PTPRJ: variants seen among roughly 807,000 people sequenced by gnomAD.
PTPRJ encodes protein tyrosine phosphatase receptor type J, also known as receptor-type tyrosine-protein phosphatase eta.
A neutral mutation model predicts 141.3 loss-of-function variants in PTPRJ; 129 were observed. That is an observed-to-expected ratio of 0.91 (90% CI 0.79 to 1.06). The LOEUF (loss-of-function observed/expected upper bound fraction) is 1.06. Among genes scored for constraint, PTPRJ ranks in the 50% least tolerant of loss-of-function variants. PTPRJ has a pLI of 0.00. For missense variants in PTPRJ, 1,601 were observed against 1,679.7 expected (o/e 0.95, Z 0.82); for synonymous variants, 610 against 640.5 (o/e 0.95, Z 0.72).
At chr11:48,038,832 T>C (rs865929865) in intron 1 of PTPRJ, among the ~76,000 whole-genome samples, 2 of 147,668 alleles carry the variant, frequency 1.4e-5, no homozygotes, top group African/African-American at 5.0e-5. Context: ...ATAAACTTGC[T>C]ATCACTTTAC....
At chr11:48,146,416 C>T (rs1857351718) in intron 14 of PTPRJ, among the ~76,000 whole-genome samples, 3 of 152,084 alleles carry the variant, frequency 2.0e-5, no homozygotes, top group African/African-American at 2.4e-5. Context: ...AATGCCTGCC[C>T]CAGAAGCAAA....
intron 14 of PTPRJ, among the ~76,000 whole-genome samples, chr11:48,146,248 T>G (rs1182390881): frequency 6.6e-6 from 1 of 152,224 alleles, no homozygotes; most frequent in Non-Finnish European, 1.5e-5. Flanking sequence ...CCTTGTTAAG[T>G]GCTTCTACCC....
intron 1 of PTPRJ, among the ~76,000 whole-genome samples, chr11:48,055,456 G>A (rs1437405705): frequency 1.3e-5 from 2 of 152,106 alleles, no homozygotes; most frequent in Non-Finnish European, 2.9e-5. Context: ...TTCATTCTTG[G>A]CCTCTTTCCT....
intron 4 of PTPRJ, 23 bp downstream of exon 4, chr11:48,121,289 A>T (rs998617544): frequency 3.1e-6 from 5 of 1,610,028 alleles, no homozygotes; most frequent in Non-Finnish European, 4.2e-6. Context: ...GCTCCCAGGG[A>T]TGATGACAAA....
intron 1 of PTPRJ, among the ~76,000 whole-genome samples, chr11:48,078,795 G>GTT (rs55980751): frequency 0.014 from 1,357 of 96,092 alleles, 5 homozygotes; most frequent in African/African-American, 0.032. Flanking sequence ...TCTGTAAATA[G>GTT]TTTTTTTTTT....
Position 48,121,323 on chromosome 11 carries a change from T to C in PTPRJ, c.616+57T>C, listed in dbSNP as rs934965958. 9.0e-6 allele frequency: 14 copies of C among 1,563,126 alleles called. No individual in the cohort carries two copies. In the East Asian group the frequency reaches 3.2e-4, roughly 35 times the overall value. On this transcript the variant is annotated intron_variant, in intron 4 of 24. Transcript: ENST00000418331. ...AACCATTTCTTATTATGGTGTATTC[T>C]AGGGCCTTGTCCGTTCAAGTTGCCT... is the stretch of plus-strand genomic sequence containing the variant.
chr11:48,163,125 G>A (rs1443657139), intron 22 of PTPRJ, among the ~76,000 whole-genome samples: 1 of 152,136 alleles, frequency 6.6e-6, no homozygotes, highest in Admixed American at 6.6e-5. Context: ...GTTCATTATT[G>A]ATAGGCAGCT....
intron 1 of PTPRJ, among the ~76,000 whole-genome samples, chr11:48,024,812 G>A (rs1353704845): frequency 1.3e-5 from 2 of 152,214 alleles, no homozygotes; most frequent in East Asian, 3.8e-4. Flanking sequence ...AGTTTTTCCA[G>A]CTCCCCAGGC....
At chr11:47,993,741 A>G (rs1854256407) in intron 1 of PTPRJ, among the ~76,000 whole-genome samples, 1 of 151,972 alleles carries the variant, frequency 6.6e-6, no homozygotes, top group Admixed American at 6.5e-5. Context: ...ACTGATTTGC[A>G]TGGGCCTGAA....
At chr11:48,006,846 A>G (rs1477624913) in intron 1 of PTPRJ, among the ~76,000 whole-genome samples, 2 of 152,072 alleles carry the variant, frequency 1.3e-5, no homozygotes, top group Non-Finnish European at 2.9e-5. Context: ...CCCCTTTGGC[A>G]TTGGTATCGT....
intron 10 of PTPRJ, among the ~76,000 whole-genome samples, chr11:48,138,107 C>T (rs1163854116): frequency 6.6e-6 from 1 of 152,158 alleles, no homozygotes; most frequent in African/African-American, 2.4e-5. Context: ...CCAGGCCATT[C>T]AGATATGTTC....
At chr11:48,112,224 G>T (rs910851271) in intron 2 of PTPRJ, among the ~76,000 whole-genome samples, 6 of 152,218 alleles carry the variant, frequency 3.9e-5, no homozygotes, top group African/African-American at 1.4e-4. Context: ...TTTGACAGAA[G>T]TTAGTCACAT....
chr11:48,128,265 G>A (rs34073149), intron 7 of PTPRJ, among the ~76,000 whole-genome samples: 112 of 152,274 alleles, frequency 7.4e-4, no homozygotes, highest in Non-Finnish European at 1.2e-3. Flanking sequence ...GCTGAGAGAG[G>A]TGCTAGACAG....
chr11:48,104,009 A>C (rs1342489132), intron 1 of PTPRJ, among the ~76,000 whole-genome samples: 2 of 152,180 alleles, frequency 1.3e-5, no homozygotes, highest in East Asian at 3.8e-4. Flanking sequence ...GGAATTGTGA[A>C]TTATTCTGCC....
intron 11 of PTPRJ, among the ~76,000 whole-genome samples, chr11:48,142,133 C>G (rs1371021948): frequency 1.3e-5 from 2 of 152,094 alleles, no homozygotes; most frequent in Non-Finnish European, 2.9e-5. Context: ...TCTTGACATC[C>G]TTGTTGAAGA....
At chr11:48,062,157 A>G (rs886741088) in intron 1 of PTPRJ, among the ~76,000 whole-genome samples, 4 of 147,748 alleles carry the variant, frequency 2.7e-5, no homozygotes, top group Non-Finnish European at 6.0e-5. Context: ...CCTCGGCCTC[A>G]CAAAGTGCTG....
Position 48,076,700 on chromosome 11 carries a change from T to C in PTPRJ, c.97-33358T>C, listed in dbSNP as rs201201796. On this transcript the variant is annotated intron_variant, in intron 1 of 24. Transcript: ENST00000418331. ...TTTAAGATTTTTTTTGGGACTTCTA[T>C]TTTTATAATTCTTTTAAATGGTAAA... is the stretch of plus-strand genomic sequence containing the variant. Among the ~76,000 whole-genome samples the C allele has an allele frequency of 3.9e-5, 6 of 152,020 alleles. No individual in the cohort carries two copies. The East Asian group carries it at 1.2e-3, about 29-fold the overall frequency.
At chr11:48,075,112 T>C (rs1341720881) in intron 1 of PTPRJ, among the ~76,000 whole-genome samples, 1 of 151,680 alleles carries the variant, frequency 6.6e-6, no homozygotes, top group Non-Finnish European at 1.5e-5. Context: ...CAACTAGCAG[T>C]TACATGCTAG....
chr11:48,095,812 C>T (rs940451418), intron 1 of PTPRJ, among the ~76,000 whole-genome samples: 8 of 152,152 alleles, frequency 5.3e-5, no homozygotes, highest in Non-Finnish European at 1.2e-4. Context: ...AACTCCTGAC[C>T]TCAGGTGATC....
Sources: allele counts gnomAD v4.1 joint callset (sites outside exome capture counted in the v4.1 genomes callset), GRCh38; gene constraint gnomAD v4.1.1; transcripts MANE v1.5; gene names NCBI Gene and HGNC (gene_info 2026-07-23, HGNC 2026-07-21).